Variants in CTCFL observed in about 807,000 individuals in gnomAD.
CTCFL encodes CCCTC-binding factor like.
A neutral mutation model predicts 67.4 loss-of-function variants in CTCFL; 36 were observed. That is an observed-to-expected ratio of 0.53 (90% CI 0.41 to 0.71). The LOEUF is 0.71. CTCFL is among the 30% of genes least tolerant of loss of function. The pLI, the probability that CTCFL is intolerant of heterozygous loss-of-function variation, is 0.00. For synonymous variants in CTCFL, 324 were observed against 302.3 expected, an observed-to-expected ratio of 1.07 and a Z score of -0.75; for missense variants, 786 against 835.2, an observed-to-expected ratio of 0.94 and a Z score of 0.73.
intron 9 of CTCFL, among the ~76,000 whole-genome samples, chr20:57,503,873 G>A (rs1414796296): frequency 2.0e-5 from 3 of 151,772 alleles, no homozygotes; most frequent in Admixed American, 6.6e-5. Context: ...CTTTAGCCCC[G>A]GAGGTCGAGG....
At position 57,524,385 on chromosome 20, in the gene CTCFL, G is replaced by A. The variant is rs73299404; in HGVS notation, c.-11-169C>T. ...ACAATGCTGATCTGGCTTGGGTCTA[G>A]GAGGGGGTCAAGGCTAAGCAGGATT... is the stretch of plus-strand genomic sequence containing the variant. On this transcript the variant is annotated intron_variant, in intron 1 of 10. Transcript: ENST00000243914. 2,764 of 1,441,652 alleles carry A rather than the reference G, an allele frequency of 1.9e-3. 49 individuals are homozygous for A. The African/African-American group carries it at 0.035, about 18-fold the overall frequency. The allele number at this position is 1,441,652 out of a possible 1,614,324, so 89.3% of individuals were successfully genotyped here. A position where few individuals can be genotyped will look rare whatever the true frequency, so the allele number is the denominator to read the frequency against.
chr20:57,511,155 C>T (rs966794258), intron 8 of CTCFL, among the ~76,000 whole-genome samples: 1 of 152,184 alleles, frequency 6.6e-6, no homozygotes, highest in African/African-American at 2.4e-5. Flanking sequence ...GATCCTCCAA[C>T]CTTAGCCTCC....
chr20:57,499,073 C>CTGGGGG (rs2067782293), intron 10 of CTCFL, among the ~76,000 whole-genome samples: 1 of 65,340 alleles, frequency 1.5e-5, no homozygotes, highest in Non-Finnish European at 3.6e-5. Flanking sequence ...CTGAAGGTGA[C>CTGGGGG]GGGGGGGGGG....
intron 10 of CTCFL, 114 bp downstream of exon 10, chr20:57,503,322 G>A: frequency 3.1e-6 from 4 of 1,270,520 alleles, no homozygotes; most frequent in African/African-American, 3.0e-5. Flanking sequence ...GGACCGACTG[G>A]TGGACAAATA....
rs527715337 is a variant in CTCFL at position 57,523,042 on chromosome 20, G to A, written c.754+26C>T. ...AAACAGCAGCCCAGTTTTAGGGAGT[G>A]TATTCTATGAGATGAACTGGCCTAC... On this transcript the variant is annotated intron_variant, in intron 3 of 10. Coordinates refer to ENST00000243914, the MANE Select transcript of CTCFL (RefSeq NM_001386993.1). 8.8e-6 allele frequency: 14 copies of A among 1,587,906 alleles called. No homozygotes were observed. In the Admixed American group the frequency reaches 1.7e-4, roughly 19 times the overall value.
At chr20:57,522,601 T>C (rs1325309048) in intron 3 of CTCFL, among the ~76,000 whole-genome samples, 2 of 152,180 alleles carry the variant, frequency 1.3e-5, no homozygotes, top group African/African-American at 2.4e-5. Flanking sequence ...GACCACTTCC[T>C]AGTACTTGGA....
At position 57,498,588 on chromosome 20, in the gene CTCFL, C is replaced by A. The variant is rs28472888; in HGVS notation, c.1954G>T (p.Val652Leu). ...ARVKEEVDEG[V>L]TCEMLLNTMD... ...GTGTTGAGGAGCATTTCACAGGTCA[C>A]GCCTTCATCCACTTCCTCTTTGACT... Residue 652 changes from valine to leucine, a missense_variant, in exon 11 of 11, where the codon GTG becomes TTG. Around this residue, in one of 3 missense-constraint regions of CTCFL, gnomAD observed 199 missense variants for 196.7 expected, o/e 1.01. Coordinates refer to ENST00000243914, the MANE Select transcript of CTCFL (RefSeq NM_001386993.1). 5 of 1,614,100 alleles carry A rather than the reference C, an allele frequency of 3.1e-6. No individual in the cohort carries two copies. In the East Asian group the frequency reaches 1.1e-4, roughly 36 times the overall value.
At chr20:57,522,260 C>A in intron 3 of CTCFL, among the ~76,000 whole-genome samples, 1 of 152,046 alleles carries the variant, frequency 6.6e-6, no homozygotes, top group Non-Finnish European at 1.5e-5. Context: ...ATCCCAGGCA[C>A]CTGATGCCAG....
intron 9 of CTCFL, among the ~76,000 whole-genome samples, chr20:57,505,750 G>A (rs1169019566): frequency 1.3e-5 from 2 of 152,142 alleles, no homozygotes. Context: ...CAACATTCAG[G>A]AATAAAAGCC....
intron 1 of CTCFL, chr20:57,524,715 C>T (rs925106752): frequency 4.0e-6 from 4 of 997,470 alleles, no homozygotes; most frequent in Non-Finnish European, 4.8e-6. Context: ...CCCGAGCAGG[C>T]ATTCCCCTCG....
At chr20:57,508,355 A>G (rs190669751) in intron 9 of CTCFL, among the ~76,000 whole-genome samples, 140 of 151,046 alleles carry the variant, frequency 9.3e-4, no homozygotes, top group African/African-American at 3.4e-3. Context: ...ATAACTCCCT[A>G]TTGTAAGATT....
intron 5 of CTCFL, among the ~76,000 whole-genome samples, chr20:57,516,264 G>A (rs1024982913): frequency 6.6e-6 from 1 of 152,238 alleles, no homozygotes; most frequent in East Asian, 1.9e-4. Flanking sequence ...CTCGTTGGGT[G>A]TGGTGGCTCA....
intron 9 of CTCFL, among the ~76,000 whole-genome samples, chr20:57,505,643 A>G (rs554870321): frequency 1.1e-4 from 17 of 152,236 alleles, no homozygotes; most frequent in Non-Finnish European, 2.2e-4. Context: ...CAATTTCATA[A>G]CCATCAACTA....
chr20:57,522,111 C>G (rs530748395), intron 3 of CTCFL, among the ~76,000 whole-genome samples: 30 of 152,266 alleles, frequency 2.0e-4, no homozygotes, highest in African/African-American at 7.2e-4. Flanking sequence ...CTACTATGTA[C>G]CAAAAGGCTG....
intron 6 of CTCFL, 121 bp downstream of exon 6, chr20:57,515,593 A>G (rs758437611): frequency 8.3e-7 from 1 of 1,210,544 alleles, no homozygotes; most frequent in Admixed American, 1.8e-5. Flanking sequence ...TTTATCATGA[A>G]GGCACGCAAA....
chr20:57,505,958 A>G (rs1393286938), intron 9 of CTCFL, among the ~76,000 whole-genome samples: 1 of 152,240 alleles, frequency 6.6e-6, no homozygotes, highest in Non-Finnish European at 1.5e-5. Context: ...TGTGCTTAAC[A>G]GGACTGTCTG....
chr20:57,500,386 A>G (rs1600633062), intron 10 of CTCFL: 1 of 252,026 alleles, frequency 4.0e-6, no homozygotes, highest in Non-Finnish European at 8.1e-6. Flanking sequence ...CAGGAGGCAG[A>G]GGTTGCGGTG....
chr20:57,504,713 C>T, intron 9 of CTCFL, among the ~76,000 whole-genome samples: 1 of 151,920 alleles, frequency 6.6e-6, no homozygotes, highest in East Asian at 1.9e-4. Context: ...TAAATTTGTT[C>T]TAATTTTGTT....
intron 3 of CTCFL, among the ~76,000 whole-genome samples, chr20:57,522,007 T>C (rs981141734): frequency 2.0e-5 from 3 of 152,254 alleles, no homozygotes; most frequent in African/African-American, 7.2e-5. Flanking sequence ...ACAGTGTTGA[T>C]GGGTCTACAA....
Sources: allele counts gnomAD v4.1 joint callset (sites outside exome capture counted in the v4.1 genomes callset), GRCh38; gene constraint gnomAD v4.1.1; regional missense constraint gnomAD v4.1.1; transcripts MANE v1.5; gene names NCBI Gene and HGNC (gene_info 2026-07-23, HGNC 2026-07-21).